The following MGMT variants were observed in gnomAD, a reference collection of about 807,000 sequenced individuals.
The protein encoded by MGMT is O-6-methylguanine-DNA methyltransferase.
MGMT carries 14 observed loss-of-function variants against 15.9 expected under a neutral mutation model. That is an observed-to-expected ratio of 0.88 (90% CI 0.58 to 1.37). MGMT has a LOEUF of 1.37. Ranked by LOEUF, MGMT falls within the 40% of genes most tolerant of loss-of-function variation. The pLI is 0.00. For synonymous variants in MGMT, 130 were observed against 118.2 expected, an observed-to-expected ratio of 1.10 and a Z score of -0.65; for missense variants, 282 against 268.1, an observed-to-expected ratio of 1.05 and a Z score of -0.36.
At chr10:129,513,801 C>T (rs935634710) in intron 1 of MGMT, among the ~76,000 whole-genome samples, 3 of 152,154 alleles carry the variant, frequency 2.0e-5, no homozygotes, top group African/African-American at 4.8e-5. Context: ...TTCTTCATTG[C>T]GGACAGAGGC....
chr10:129,732,150 CT>C (rs1848505625), intron 3 of MGMT, among the ~76,000 whole-genome samples: 2 of 110,790 alleles, frequency 1.8e-5, no homozygotes, highest in East Asian at 6.8e-4. Flanking sequence ...TGGGCTCCTC[CT>C]TTTTTAAATT....
intron 3 of MGMT, among the ~76,000 whole-genome samples, chr10:129,719,838 T>C (rs1848348703): frequency 6.6e-6 from 1 of 152,156 alleles, no homozygotes; most frequent in Non-Finnish European, 1.5e-5. Context: ...GTGGGGACAG[T>C]AGTAACAATG....
chr10:129,576,863 A>G (rs1846489616), intron 2 of MGMT, among the ~76,000 whole-genome samples: 2 of 152,218 alleles, frequency 1.3e-5, no homozygotes, highest in African/African-American at 2.4e-5. Context: ...TCAATGTGCA[A>G]AAATCACAAG....
rs1848987151 is a variant in MGMT at position 129,770,379 on chromosome 10, C to T, written c.*3382C>T. Among the ~76,000 whole-genome samples the T allele has an allele frequency of 2.0e-5, 3 of 152,218 alleles. No homozygotes were observed. Among genetic ancestry groups the T allele is most frequent in the Admixed American group, 2.0e-4 (3 of 15,288 alleles). ...TAGCTGGTCAGTGAGATTCTCGCAG[C>T]AATGTGAGGCATCCTCCTCACAGAA... On this transcript the variant is annotated 3_prime_UTR_variant, in exon 5 of 5. Transcript: ENST00000651593.
intron 2 of MGMT, among the ~76,000 whole-genome samples, chr10:129,688,551 C>G (rs935665250): frequency 2.0e-5 from 3 of 151,982 alleles, no homozygotes; most frequent in African/African-American, 7.3e-5. Flanking sequence ...TGATTTTTTT[C>G]TTGTAAATGT....
chr10:129,504,481 G>A (rs897924899), intron 1 of MGMT, among the ~76,000 whole-genome samples: 3 of 152,198 alleles, frequency 2.0e-5, no homozygotes, highest in Non-Finnish European at 4.4e-5. Context: ...ATTTGAATGT[G>A]TTGCAGGACA....
intron 2 of MGMT, among the ~76,000 whole-genome samples, chr10:129,657,674 AACACACACACACAC>A (rs60284981): frequency 6.4e-5 from 6 of 93,512 alleles, no homozygotes; most frequent in African/African-American, 1.4e-4. Flanking sequence ...CAGCTCCTCC[AACACACACACACAC>A]ACACACACAC....
intron 3 of MGMT, among the ~76,000 whole-genome samples, chr10:129,716,866 TA>T (rs1393778489): frequency 1.3e-5 from 2 of 152,230 alleles, no homozygotes; most frequent in African/African-American, 4.8e-5. Flanking sequence ...CAAATCGGTT[TA>T]AAAGAAGATA....
chr10:129,712,076 C>T (rs569742608), intron 3 of MGMT, among the ~76,000 whole-genome samples: 68 of 152,296 alleles, frequency 4.5e-4, no homozygotes, highest in Admixed American at 1.1e-3. Context: ...GAAAAGCAGA[C>T]CTACGGAAAG....
intron 2 of MGMT, among the ~76,000 whole-genome samples, chr10:129,671,841 G>C (rs182081341): frequency 9.8e-5 from 15 of 152,322 alleles, no homozygotes; most frequent in Admixed American, 8.5e-4. Context: ...ATGTAGAACT[G>C]TGTGTTCACC....
chr10:129,561,898 C>G (rs1846283382), intron 2 of MGMT, among the ~76,000 whole-genome samples: 1 of 152,198 alleles, frequency 6.6e-6, no homozygotes, highest in South Asian at 2.1e-4. Flanking sequence ...AAGTTTTCTA[C>G]TTCATTAGCC....
rs182140451 is a variant in MGMT at position 129,737,252 on chromosome 10, G to A, written c.275-21950G>A. ...GTCCCATATTTCTTGGAGGCTGTGC[G>A]CGTTTCTTTTTATTCTTTTTTCTCT... is the stretch of plus-strand genomic sequence containing the variant. On this transcript the variant is annotated intron_variant, in intron 3 of 4. Coordinates refer to ENST00000651593, the MANE Select transcript of MGMT (RefSeq NM_002412.5). Among the ~76,000 whole-genome samples the A allele has an allele frequency of 2.2e-4, 34 of 152,200 alleles. 1 individual carries two copies. Among genetic ancestry groups the A allele is most frequent in the Admixed American group, 1.6e-3 (24 of 15,300 alleles).
At chr10:129,470,402 A>G (rs1197332964) in intron 1 of MGMT, among the ~76,000 whole-genome samples, 1 of 152,214 alleles carries the variant, frequency 6.6e-6, no homozygotes, top group Admixed American at 6.5e-5. Context: ...AAAAAAATTA[A>G]CAGTACAGCT....
At chr10:129,702,059 A>C (rs1848105592) in intron 2 of MGMT, 1 of 152,100 alleles carries the variant, frequency 6.6e-6, no homozygotes, top group Non-Finnish European at 1.5e-5. Context: ...CATCACTGGG[A>C]CATTGTTTTT....
chr10:129,474,383 G>T (rs542600609), intron 1 of MGMT, among the ~76,000 whole-genome samples: 1 of 152,288 alleles, frequency 6.6e-6, no homozygotes, highest in African/African-American at 2.4e-5. Context: ...GGTGGCTTCT[G>T]GTGAGAGCGG....
At chr10:129,598,741 G>A (rs539672562) in intron 2 of MGMT, among the ~76,000 whole-genome samples, 1 of 152,166 alleles carries the variant, frequency 6.6e-6, no homozygotes, top group Non-Finnish European at 1.5e-5. Flanking sequence ...TGCTTCTAGA[G>A]GATGTAGATG....
chr10:129,520,313 G>A (rs1470447478), intron 1 of MGMT, among the ~76,000 whole-genome samples: 2 of 152,192 alleles, frequency 1.3e-5, no homozygotes, highest in Non-Finnish European at 2.9e-5. Context: ...CAGAGGAGGA[G>A]TGGGGCTGCT....
chr10:129,536,141 A>C, intron 1 of MGMT, 100 bp from the exon 2 acceptor site: 1 of 1,310,820 alleles, frequency 7.6e-7, no homozygotes, highest in Middle Eastern at 1.9e-4. Context: ...GAGCTTTGGA[A>C]TATATTTTGT....
chr10:129,709,479 C>T (rs561281397), intron 3 of MGMT, among the ~76,000 whole-genome samples: 85 of 152,256 alleles, frequency 5.6e-4, no homozygotes, highest in African/African-American at 1.6e-3. Context: ...CTTCTCTATA[C>T]GATCTCTTTT....
Sources: allele counts gnomAD v4.1 joint callset (sites outside exome capture counted in the v4.1 genomes callset), GRCh38; gene constraint gnomAD v4.1.1; transcripts MANE v1.5; gene names NCBI Gene and HGNC (gene_info 2026-07-23, HGNC 2026-07-21).